Variants in HLF observed in about 807,000 individuals in gnomAD.
The protein encoded by HLF is HLF transcription factor, PAR bZIP family member, also known as hepatic leukemia factor.
Under a neutral mutation model 22.6 loss-of-function variants are expected in HLF, and 3 were observed. That is an observed-to-expected ratio of 0.13 (90% confidence interval 0.06 to 0.34). The LOEUF (loss-of-function observed/expected upper bound fraction) is 0.34, where lower values mean the gene tolerates loss of function less well. Among genes scored for constraint, HLF ranks in the 10% least tolerant of loss-of-function variants. HLF has a pLI of 1.00. For missense variants in HLF, 299 were observed against 389.2 expected, an observed-to-expected ratio of 0.77 and a Z score of 1.95; for synonymous variants, 151 against 151.8, an observed-to-expected ratio of 0.99 and a Z score of 0.04.
intron 2 of HLF, among the ~76,000 whole-genome samples, chr17:55,311,822 C>T (rs929281257): frequency 3.9e-5 from 6 of 152,178 alleles, no homozygotes; most frequent in Non-Finnish European, 7.3e-5. Flanking sequence ...TTGCCCCACT[C>T]ACTTCCTCCA....
At chr17:55,301,244 C>T (rs759344960) in intron 2 of HLF, among the ~76,000 whole-genome samples, 3 of 152,236 alleles carry the variant, frequency 2.0e-5, no homozygotes, top group Non-Finnish European at 4.4e-5. Flanking sequence ...TTTTTACTTA[C>T]CTGTCTGCAC....
intron 2 of HLF, among the ~76,000 whole-genome samples, chr17:55,269,617 A>G (rs2270377): frequency 0.13 from 19,292 of 152,226 alleles, 1,466 homozygotes; most frequent in Middle Eastern, 0.18. Context: ...TTTTTGTAGA[A>G]GGATACAATT....
Position 55,321,011 on chromosome 17 carries a change from G to A in HLF, c.*132G>A. ...ATAAACACAACTGACTCCCATTTTG[G>A]TGTGCATCTGTGTGTGTGTGCGTGT... On this transcript the variant is annotated 3_prime_UTR_variant, in exon 4 of 4. Coordinates refer to ENST00000226067, the MANE Select transcript of HLF (RefSeq NM_002126.5). The A allele has an allele frequency of 1.5e-6, 1 of 677,674 alleles. No individual in the cohort carries two copies. The highest frequency in any genetic ancestry group is 2.6e-6 in the Non-Finnish European group (1 of 386,414). 42.0% of individuals were successfully genotyped at this position (677,674 alleles called of 1,614,324 possible).
At chr17:55,271,898 A>G (rs549399346) in intron 2 of HLF, 2 of 152,316 alleles carry the variant, frequency 1.3e-5, no homozygotes, top group Admixed American at 1.3e-4. Context: ...TGAGCACCCC[A>G]TCCCTATTCC....
intron 1 of HLF, chr17:55,266,844 C>T (rs931649548): frequency 1.0e-6 from 1 of 978,834 alleles, no homozygotes; most frequent in African/African-American, 1.8e-5. Context: ...AATGGGCGAG[C>T]AGTACTTCCA....
intron 2 of HLF, among the ~76,000 whole-genome samples, chr17:55,302,407 G>C (rs1326967868): frequency 6.6e-6 from 1 of 152,182 alleles, no homozygotes; most frequent in East Asian, 1.9e-4. Context: ...AGAAGCTGCA[G>C]AACAGCAGAT....
rs146928594 is a variant in HLF, at chr17:55,268,233, GC to G, written c.451+148del. On this transcript the variant is annotated intron_variant, in intron 2 of 3. Transcript: ENST00000226067. The stretch of plus-strand genomic sequence containing the variant: ...TTCTTCTGCTCCACTCCTGGCAGAG[GC>G]TCTCCCACTTTAATGAGCATCCATA... 1.5e-3 allele frequency: 868 copies of G among 573,894 alleles called. 4 individuals are homozygous for G. The highest frequency in any genetic ancestry group is 0.015 in the African/African-American group (778 of 51,656). The allele number at this position is 573,894 out of a possible 1,614,324, so 35.6% of individuals were successfully genotyped here.
intron 2 of HLF, among the ~76,000 whole-genome samples, chr17:55,309,502 A>G (rs1340190014): frequency 6.6e-6 from 1 of 152,168 alleles, no homozygotes; most frequent in Non-Finnish European, 1.5e-5. Flanking sequence ...ATTTCAGATT[A>G]TGGCTACGTG....
At chr17:55,282,298 G>T (rs563029389) in intron 2 of HLF, among the ~76,000 whole-genome samples, 1 of 152,116 alleles carries the variant, frequency 6.6e-6, no homozygotes, top group Non-Finnish European at 1.5e-5. Flanking sequence ...TGTAAGCTCC[G>T]TGATGCTGCT....
rs992238198 is a variant in HLF, at chr17:55,310,241, A to G, written c.452-4986A>G. On this transcript the variant is annotated intron_variant, in intron 2 of 3. Coordinates refer to ENST00000226067, the MANE Select transcript of HLF (RefSeq NM_002126.5). ...TTAGAAAGAAAAACAAAAAAAACGA[A>G]AAACAATGTTCCAGTAACTGCAGAG... is the stretch of plus-strand genomic sequence containing the variant. 8.5e-5 allele frequency among the ~76,000 whole-genome samples: 13 copies of G among 152,306 alleles called. 1 individual carries two copies. Among genetic ancestry groups the G allele is most frequent in the Middle Eastern group, 6.8e-3 (2 of 294 alleles).
chr17:55,278,387 G>A (rs1240973152), intron 2 of HLF, among the ~76,000 whole-genome samples: 1 of 152,248 alleles, frequency 6.6e-6, no homozygotes, highest in Admixed American at 6.5e-5. Context: ...CTGGGTAACA[G>A]TCTGCTGTGG....
At chr17:55,294,827 AT>A (rs148805435) in intron 2 of HLF, among the ~76,000 whole-genome samples, 2,837 of 152,302 alleles carry the variant, frequency 0.019, 85 homozygotes, top group African/African-American at 0.064. Flanking sequence ...ACCTTTCTAT[AT>A]CCTCCCTTTT....
intron 3 of HLF, among the ~76,000 whole-genome samples, chr17:55,317,916 T>A (rs558929953): frequency 2.2e-4 from 33 of 152,358 alleles, no homozygotes; most frequent in African/African-American, 7.2e-4. Flanking sequence ...CTTGATTTTT[T>A]AAATGCTTTT....
chr17:55,279,107 A>G (rs2080931124), intron 2 of HLF, among the ~76,000 whole-genome samples: 1 of 152,216 alleles, frequency 6.6e-6, no homozygotes, highest in African/African-American at 2.4e-5. Flanking sequence ...AATCTAAAGC[A>G]TGTTTATTTC....
chr17:55,306,537 A>G (rs934207566), intron 2 of HLF, among the ~76,000 whole-genome samples: 2 of 143,600 alleles, frequency 1.4e-5, no homozygotes, highest in African/African-American at 5.2e-5. Flanking sequence ...GCAAAAAGGA[A>G]GTGTGTGTGT....
At chr17:55,287,430 T>G (rs2081016211) in intron 2 of HLF, among the ~76,000 whole-genome samples, 1 of 152,194 alleles carries the variant, frequency 6.6e-6, no homozygotes, top group Non-Finnish European at 1.5e-5. Flanking sequence ...ATGGTCACTG[T>G]GTAAGCCCTG....
intron 2 of HLF, chr17:55,283,366 G>GTTC (rs1410479377): frequency 1.3e-5 from 2 of 152,320 alleles, no homozygotes; most frequent in Admixed American, 1.3e-4. Context: ...TCTGGGCTCA[G>GTTC]TGAAGAGTTC....
intron 2 of HLF, among the ~76,000 whole-genome samples, chr17:55,278,470 C>T (rs944169066): frequency 6.6e-6 from 1 of 152,160 alleles, no homozygotes; most frequent in Non-Finnish European, 1.5e-5. Flanking sequence ...AGTGCTTCTG[C>T]ACTTAATGGA....
intron 2 of HLF, among the ~76,000 whole-genome samples, chr17:55,296,610 G>A (rs115163013): frequency 6.6e-6 from 1 of 152,116 alleles, no homozygotes; most frequent in Non-Finnish European, 1.5e-5. Context: ...CGGCTGCATA[G>A]AACCTATGAT....
Sources: allele counts gnomAD v4.1 joint callset (sites outside exome capture counted in the v4.1 genomes callset), GRCh38; gene constraint gnomAD v4.1.1; transcripts MANE v1.5; gene names NCBI Gene and HGNC (gene_info 2026-07-23, HGNC 2026-07-21).